GRB10: variants seen among roughly 807,000 people sequenced by gnomAD.
GRB10 encodes the protein growth factor receptor bound protein 10.
In GRB10, 20 loss-of-function variants were observed where a neutral mutation model predicts 80.9. That is an observed-to-expected ratio of 0.25 (90% CI 0.17 to 0.36). The LOEUF (loss-of-function observed/expected upper bound fraction) is 0.36. GRB10 is among the 10% of genes least tolerant of loss of function. The pLI, the probability that GRB10 is intolerant of heterozygous loss-of-function variation, is 1.00. For synonymous variants in GRB10, 291 were observed against 291.5 expected (o/e 1.00, Z 0.02); for missense variants, 548 against 747.7 (o/e 0.73, Z 3.12).
chr7:50,725,246 A>G lies in GRB10; in HGVS notation c.51+7026T>C, dbSNP rs189469078. Among the ~76,000 whole-genome samples, 9 of 152,250 alleles carry G rather than the reference A, an allele frequency of 5.9e-5. No individual in the cohort carries two copies. In the East Asian group the frequency reaches 1.7e-3, roughly 29 times the overall value. ...AGTTGCCACGAGACCTGGTTGTTGGAAAGTGTGTAGCACCTCCCCTTTTGT... is the reference window on the plus strand; with the variant it reads ...AGTTGCCACGAGACCTGGTTGTTGGGAAGTGTGTAGCACCTCCCCTTTTGT... On this transcript the variant is annotated intron_variant, in intron 4 of 18. Coordinates refer to ENST00000401949, the MANE Select transcript of GRB10 (RefSeq NM_001350814.2).
In GRB10 at chr7:50,782,590, C is replaced by G. The variant is rs1223935055; in HGVS notation, c.-493G>C. The stretch of plus-strand genomic sequence containing the variant: ...CTGGTCCTCCACGGCTCCGCCCCGG[C>G]CAGGGGCCTGCGGCGCAGAAAACCG... On this transcript the variant is annotated 5_prime_UTR_variant, in exon 1 of 19. Transcript: ENST00000401949. This position sits in a 1 kb window ranked among gnomAD's most constrained non-coding sequence, Gnocchi z 6.6. 5 of 151,216 alleles carry G rather than the reference C, an allele frequency of 3.3e-5. No homozygotes were observed. The highest frequency in any genetic ancestry group is 3.0e-5 in the Non-Finnish European group (2 of 67,770). 9.4% of individuals were successfully genotyped at this position (151,216 alleles called of 1,614,324 possible). A position where few individuals can be genotyped will look rare whatever the true frequency, so the allele number is the denominator to read the frequency against.
At chr7:50,645,712 G>T in intron 7 of GRB10, 1 of 692,742 alleles carries the variant, frequency 1.4e-6, no homozygotes, top group Non-Finnish European at 1.8e-6. Flanking sequence ...TCCCAGACAG[G>T]CTCAGTAAAC....
chr7:50,694,127 C>T (rs937852242), intron 5 of GRB10, among the ~76,000 whole-genome samples: 2 of 152,154 alleles, frequency 1.3e-5, no homozygotes, highest in African/African-American at 4.8e-5. Flanking sequence ...AATTCAAGAC[C>T]AGCCTGGCCA....
intron 5 of GRB10, among the ~76,000 whole-genome samples, chr7:50,690,162 G>A (rs539403508): frequency 1.3e-5 from 2 of 152,190 alleles, no homozygotes; most frequent in South Asian, 4.2e-4. Flanking sequence ...TGGGCGTGGT[G>A]GTGCATGCTT....
chr7:50,650,165 G>C (rs940171312), intron 7 of GRB10, among the ~76,000 whole-genome samples: 1 of 152,160 alleles, frequency 6.6e-6, no homozygotes, highest in Non-Finnish European at 1.5e-5. Flanking sequence ...AGCTGGGGTC[G>C]AAAACACTTA....
intron 3 of GRB10, among the ~76,000 whole-genome samples, chr7:50,754,595 G>A (rs376602017): frequency 4.0e-4 from 61 of 152,292 alleles, no homozygotes; most frequent in African/African-American, 1.3e-3. Flanking sequence ...GTCCACATGC[G>A]CACCTTCTGA....
intron 4 of GRB10, chr7:50,710,729 C>A (rs946061488): frequency 2.4e-6 from 2 of 822,480 alleles, no homozygotes; most frequent in Admixed American, 3.9e-5. Flanking sequence ...AGGGCAACTG[C>A]CTCACCTTCG....
chr7:50,738,934 C>A (rs1334233305), intron 3 of GRB10, among the ~76,000 whole-genome samples: 3 of 152,056 alleles, frequency 2.0e-5, no homozygotes, highest in African/African-American at 4.8e-5. Flanking sequence ...AAGGTTAAAC[C>A]CTCCTTTGCA....
At chr7:50,787,488 G>A (rs2078742883), upstream of GRB10, among the ~76,000 whole-genome samples, 1 of 152,212 alleles carries the variant, frequency 6.6e-6, no homozygotes, top group Non-Finnish European at 1.5e-5. Flanking sequence ...TAGGAAACCA[G>A]GTGACCCTTC....
At chr7:50,762,545 A>G (rs543155318) in intron 2 of GRB10, among the ~76,000 whole-genome samples, 2 of 152,298 alleles carry the variant, frequency 1.3e-5, no homozygotes, top group East Asian at 3.9e-4. Flanking sequence ...AATAAAAGTA[A>G]GAGAATGCAG....
In GRB10 at chr7:50,603,157, C is replaced by T. The variant is rs142137539; in HGVS notation, c.1544+841G>A. Among the ~76,000 whole-genome samples, 685 of 152,332 alleles carry T rather than the reference C, an allele frequency of 4.5e-3. 3 individuals are homozygous for T. The highest frequency in any genetic ancestry group is 8.6e-3 in the Non-Finnish European group (588 of 68,032). On this transcript the variant is annotated intron_variant, in intron 17 of 18. Coordinates refer to ENST00000401949, the MANE Select transcript of GRB10 (RefSeq NM_001350814.2). The stretch of plus-strand genomic sequence containing the variant: ...TATTCAGACCCCGTATGGGACAGCT[C>T]CCACATGGATGTAACTACTTCCTCA...
chr7:50,710,982 T>C, intron 4 of GRB10: 2 of 1,313,960 alleles, frequency 1.5e-6, no homozygotes, highest in Non-Finnish European at 2.2e-6. Flanking sequence ...TGCACAATAT[T>C]TTCAGAACCT....
At chr7:50,729,313 G>C (rs1291936180) in intron 4 of GRB10, 1 of 152,208 alleles carries the variant, frequency 6.6e-6, no homozygotes. Flanking sequence ...AAATTCACAT[G>C]CAAGTTGTTT....
chr7:50,693,351 A>G (rs1236720977), intron 5 of GRB10, among the ~76,000 whole-genome samples: 3 of 152,166 alleles, frequency 2.0e-5, no homozygotes, highest in East Asian at 3.8e-4. Flanking sequence ...CCATTCTCCA[A>G]TCTTTTTTCT....
intron 2 of GRB10, among the ~76,000 whole-genome samples, chr7:50,769,870 T>A (rs1218574702): frequency 6.6e-6 from 1 of 152,136 alleles, no homozygotes; most frequent in East Asian, 1.9e-4. Flanking sequence ...TCCAAGGCAC[T>A]CTCGGGTGGA....
chr7:50,669,822 A>G lies in GRB10; in HGVS notation c.404T>C (p.Leu135Pro). The change falls in exon 7 of 19, where the codon CTG becomes CCG. Residue 135 changes from leucine to proline, a missense_variant. Physicochemically the swap from Leu to Pro is moderately conservative, Grantham distance 98 (BLOSUM62 -3). This residue lies in a region of GRB10 where 245 missense variants were observed against 229.3 expected (regional missense o/e 1.07). Transcript: ENST00000401949. ...EEDQQFRTSS[L>P]PAIPNPFPEL... is the part of the protein sequence containing the mutation. ...AGGAAAAGGATTGGGGATGGCCGGC[A>G]GAGATGAGGTTCTAAACTGCTGGTC... The G allele has an allele frequency of 1.2e-6, 2 of 1,613,868 alleles. No individual in the cohort carries two copies. The highest frequency in any genetic ancestry group is 1.7e-6 in the Non-Finnish European group (2 of 1,179,914).
At chr7:50,648,527 C>T (rs916872039) in intron 7 of GRB10, among the ~76,000 whole-genome samples, 1 of 152,228 alleles carries the variant, frequency 6.6e-6, no homozygotes, top group Non-Finnish European at 1.5e-5. Context: ...CGACCCAAGG[C>T]GGTAAGGAAG....
At chr7:50,771,453 C>T (rs2076968084) in intron 2 of GRB10, among the ~76,000 whole-genome samples, 3 of 152,182 alleles carry the variant, frequency 2.0e-5, no homozygotes, top group South Asian at 2.1e-4. Flanking sequence ...ATAAGCCACA[C>T]GAACAGCGAG....
Position 50,708,281 on chromosome 7 carries a change from G to A in GRB10, c.52-4373C>T, listed in dbSNP as rs373448213. 3.3e-5 allele frequency among the ~76,000 whole-genome samples: 5 copies of A among 150,310 alleles called. No homozygotes were observed. The East Asian group carries it at 9.6e-4, about 29-fold the overall frequency. On this transcript the variant is annotated intron_variant, in intron 4 of 18. Coordinates refer to ENST00000401949, the MANE Select transcript of GRB10 (RefSeq NM_001350814.2). ...GAAATTCCAAGGTCAAAACAGAAAT[G>A]TACCTTCTTTAATTCAATAGATAGA...
Sources: gnomAD v4.1 joint callset for allele counts (sites outside exome capture counted in the v4.1 genomes callset) on GRCh38, gnomAD v4.1.1 for gene constraint, gnomAD v4.1.1 regional missense constraint, Gnocchi (gnomAD v3.1) non-coding constraint, MANE v1.5 for transcripts, NCBI Gene and HGNC (gene_info 2026-07-23, HGNC 2026-07-21) for gene names.